RASSF8: variants seen among roughly 807,000 people sequenced by gnomAD.
The protein encoded by RASSF8 is Ras association domain family member 8, also known as ras association domain-containing protein 8.
In RASSF8, 22 loss-of-function variants were observed where a neutral mutation model predicts 48.5. The observed-to-expected ratio is 0.45, with a 90% CI of 0.32 to 0.65. RASSF8 has a LOEUF of 0.65. Among genes scored for constraint, RASSF8 ranks in the 30% least tolerant of loss-of-function variants. The pLI is 0.03. For missense variants in RASSF8, 418 were observed against 489.2 expected (o/e 0.85, Z 1.37); for synonymous variants, 127 against 171.5 (o/e 0.74, Z 2.03).
At chr12:25,980,805 AATGAG>A (rs1941724287) in intron 1 of RASSF8, among the ~76,000 whole-genome samples, 1 of 152,172 alleles carries the variant, frequency 6.6e-6, no homozygotes, top group Admixed American at 6.5e-5. Context: ...AAATTCATGG[AATGAG>A]ATATTTCAAT....
intron 2 of RASSF8, among the ~76,000 whole-genome samples, chr12:26,027,689 C>G (rs960524961): frequency 6.6e-6 from 1 of 152,256 alleles, no homozygotes; most frequent in Non-Finnish European, 1.5e-5. Context: ...AATCATTAAG[C>G]CATTGATAAG....
At chr12:25,965,658 A>C (rs1440009385) in intron 1 of RASSF8, among the ~76,000 whole-genome samples, 1 of 151,900 alleles carries the variant, frequency 6.6e-6, no homozygotes, top group African/African-American at 2.4e-5. Context: ...GCCCACCCCA[A>C]ATTTTCTCAT....
downstream of RASSF8, among the ~76,000 whole-genome samples, chr12:26,077,172 G>T (rs1475401003): frequency 6.6e-6 from 1 of 152,216 alleles, no homozygotes; most frequent in Non-Finnish European, 1.5e-5. Context: ...CCCTTTGTCA[G>T]ATGGGTAGAT....
At chr12:26,028,277 G>T (rs17362314) in intron 2 of RASSF8, among the ~76,000 whole-genome samples, 1 of 152,030 alleles carries the variant, frequency 6.6e-6, no homozygotes, top group South Asian at 2.1e-4. Flanking sequence ...CTTTTAATGA[G>T]CGTACTTTTC....
chr12:25,965,455 C>T (rs1213165348), intron 1 of RASSF8, among the ~76,000 whole-genome samples: 3 of 150,418 alleles, frequency 2.0e-5, no homozygotes, highest in South Asian at 2.1e-4. Context: ...ACCACTGCCT[C>T]CTAGGTTCAG....
chr12:25,992,779 C>T (rs1014893029), intron 1 of RASSF8, among the ~76,000 whole-genome samples: 6 of 152,110 alleles, frequency 3.9e-5, no homozygotes, highest in African/African-American at 1.4e-4. Flanking sequence ...TTCCTGAGAC[C>T]GTTTTCACTT....
intron 2 of RASSF8, among the ~76,000 whole-genome samples, chr12:26,001,612 G>A (rs1942260178): frequency 6.6e-6 from 1 of 151,144 alleles, no homozygotes; most frequent in South Asian, 2.1e-4. Flanking sequence ...ACACATTTTA[G>A]CCTAGGTCTA....
chr12:25,961,222 C>T (rs144595879), intron 1 of RASSF8, among the ~76,000 whole-genome samples: 10 of 152,178 alleles, frequency 6.6e-5, no homozygotes, highest in African/African-American at 1.9e-4. Context: ...TATTGTTTGC[C>T]GTGGGATATT....
chr12:26,072,378 G>C lies in RASSF8; in HGVS notation c.*3560G>C. 1.0e-6 allele frequency: 1 copy of C among 985,108 alleles called. No homozygotes were observed. Among genetic ancestry groups the C allele is most frequent in the Non-Finnish European group, 1.2e-6 (1 of 829,708 alleles). 61.0% of individuals were successfully genotyped at this position (985,108 alleles called of 1,614,324 possible). ...CTTTACATCTCCAGAATAAGCTTTC[G>C]ATGCCAGGACAGTGACTGCCTGAAA... On this transcript the variant is annotated 3_prime_UTR_variant, in exon 6 of 6. Transcript: ENST00000689635.
At chr12:26,053,697 G>A (rs1369703536) in intron 2 of RASSF8, among the ~76,000 whole-genome samples, 1 of 152,148 alleles carries the variant, frequency 6.6e-6, no homozygotes, top group Non-Finnish European at 1.5e-5. Flanking sequence ...GCACAGTTAT[G>A]GAATCAGCTT....
At chr12:25,980,387 A>G (rs1941712650) in intron 1 of RASSF8, among the ~76,000 whole-genome samples, 1 of 152,258 alleles carries the variant, frequency 6.6e-6, no homozygotes, top group African/African-American at 2.4e-5. Flanking sequence ...TAAAGAGTAA[A>G]TGCAGTAACT....
intron 1 of RASSF8, among the ~76,000 whole-genome samples, chr12:25,989,744 C>T (rs949775861): frequency 6.6e-6 from 1 of 152,126 alleles, no homozygotes; most frequent in Non-Finnish European, 1.5e-5. Flanking sequence ...CATTTCAATT[C>T]CTTATGGTTT....
chr12:25,981,348 C>G (rs1360871500), intron 1 of RASSF8, among the ~76,000 whole-genome samples: 2 of 152,150 alleles, frequency 1.3e-5, no homozygotes, highest in African/African-American at 4.8e-5. Flanking sequence ...TCCCCCTGCT[C>G]AACAGTCTCC....
At chr12:25,965,866 A>C (rs1941348626) in intron 1 of RASSF8, among the ~76,000 whole-genome samples, 1 of 152,328 alleles carries the variant, frequency 6.6e-6, no homozygotes, top group African/African-American at 2.4e-5. Context: ...ATGTAGTAGT[A>C]GTTTATTCCT....
At chr12:26,006,200 C>T (rs1357100064) in intron 2 of RASSF8, among the ~76,000 whole-genome samples, 1 of 152,298 alleles carries the variant, frequency 6.6e-6, no homozygotes, top group South Asian at 2.1e-4. Context: ...TTTTCTTCTT[C>T]CCTTCCCTTC....
intron 2 of RASSF8, among the ~76,000 whole-genome samples, chr12:26,054,792 A>G (rs7313961): frequency 0.053 from 8,124 of 152,278 alleles, 654 homozygotes; most frequent in East Asian, 0.29. Flanking sequence ...TACTTTGACA[A>G]CTGTTCTTAA....
chr12:25,972,669 A>C (rs936737364), intron 1 of RASSF8, among the ~76,000 whole-genome samples: 4 of 152,216 alleles, frequency 2.6e-5, no homozygotes, highest in Admixed American at 1.3e-4. Context: ...GTATTTTTTA[A>C]AAACAGTAAT....
intron 3 of RASSF8, among the ~76,000 whole-genome samples, chr12:26,056,468 G>A (rs377763214): frequency 6.6e-6 from 1 of 152,156 alleles, no homozygotes; most frequent in East Asian, 1.9e-4. Flanking sequence ...AGTGTTCAGG[G>A]CCTCTTTGTC....
At chr12:26,034,979 G>A (rs1442968119) in intron 2 of RASSF8, among the ~76,000 whole-genome samples, 1 of 152,074 alleles carries the variant, frequency 6.6e-6, no homozygotes, top group Non-Finnish European at 1.5e-5. Context: ...GTGTGAATTA[G>A]TCACTATGAA....
Sources: gnomAD v4.1 joint callset for allele counts (sites outside exome capture counted in the v4.1 genomes callset) on GRCh38, gnomAD v4.1.1 for gene constraint, MANE v1.5 for transcripts, NCBI Gene and HGNC (gene_info 2026-07-23, HGNC 2026-07-21) for gene names.